Variants in RUNX2 observed in about 807,000 individuals in gnomAD.
The protein encoded by RUNX2 is runt-related transcription factor 2.
In RUNX2, 10 loss-of-function variants were observed where a neutral mutation model predicts 51.7. The observed-to-expected ratio is 0.19, with a 90% confidence interval of 0.12 to 0.33. RUNX2 has a LOEUF of 0.33. Among genes scored for constraint, RUNX2 ranks in the 10% least tolerant of loss-of-function variants. The pLI is 1.00. For synonymous variants in RUNX2, 276 were observed against 273.6 expected (o/e 1.01, Z -0.09); for missense variants, 562 against 691.3 (o/e 0.81, Z 2.10).
At chr6:45,498,066 G>A (rs943699610) in intron 6 of RUNX2, among the ~76,000 whole-genome samples, 1 of 152,078 alleles carries the variant, frequency 6.6e-6, no homozygotes, top group Non-Finnish European at 1.5e-5. Context: ...CTCACCCAAG[G>A]TCCCACTTAC....
At chr6:45,513,740 T>C (rs529757355) in intron 7 of RUNX2, 1 of 152,228 alleles carries the variant, frequency 6.6e-6, no homozygotes, top group Admixed American at 6.5e-5. Context: ...ACTCCTGTTA[T>C]CATTTTTACG....
chr6:45,470,435 T>G (rs1188918990), intron 5 of RUNX2, among the ~76,000 whole-genome samples: 1 of 152,170 alleles, frequency 6.6e-6, no homozygotes, highest in Non-Finnish European at 1.5e-5. Context: ...CAATGGAGTA[T>G]AAAGATGTAC....
chr6:45,450,809 A>T (rs949425167), intron 5 of RUNX2, among the ~76,000 whole-genome samples: 1 of 152,214 alleles, frequency 6.6e-6, no homozygotes, highest in Non-Finnish European at 1.5e-5. Flanking sequence ...GTGAGAGGGC[A>T]TTAGCAATGC....
At chr6:45,533,825 T>C (rs1563127931) in intron 7 of RUNX2, among the ~76,000 whole-genome samples, 1 of 151,242 alleles carries the variant, frequency 6.6e-6, no homozygotes, top group East Asian at 1.9e-4. Context: ...ACTTTAAAAA[T>C]ATCAATTGAA....
chr6:45,437,540 T>C (rs1043091089), intron 4 of RUNX2, among the ~76,000 whole-genome samples: 1 of 152,224 alleles, frequency 6.6e-6, no homozygotes, highest in South Asian at 2.1e-4. Flanking sequence ...GATTTACTAT[T>C]GTTCTCTCGT....
intron 2 of RUNX2, among the ~76,000 whole-genome samples, chr6:45,351,714 C>G (rs1792090931): frequency 6.6e-6 from 1 of 152,092 alleles, no homozygotes; most frequent in Non-Finnish European, 1.5e-5. Context: ...CTATTCTATC[C>G]CTCCCAACCA....
chr6:45,509,655 C>T (rs1041797139), intron 6 of RUNX2, among the ~76,000 whole-genome samples: 2 of 152,168 alleles, frequency 1.3e-5, no homozygotes, highest in African/African-American at 4.8e-5. Flanking sequence ...TTATCAATAG[C>T]GGAGCTGGCA....
chr6:45,422,481 C>A, intron 2 of RUNX2, 112 bp from the exon 3 acceptor site: 3 of 488,452 alleles, frequency 6.1e-6, no homozygotes, highest in Non-Finnish European at 1.0e-5. Flanking sequence ...TCCTCTTTCC[C>A]CCCGTCTCGC....
At chr6:45,384,079 G>A (rs1165693857) in intron 2 of RUNX2, among the ~76,000 whole-genome samples, 5 of 152,128 alleles carry the variant, frequency 3.3e-5, no homozygotes, top group Non-Finnish European at 7.3e-5. Context: ...AAAGGCTTTG[G>A]TGTCACTTTA....
At chr6:45,491,820 A>G (rs896047756) in intron 5 of RUNX2, 121 bp from the exon 6 acceptor site, 1 of 1,013,428 alleles carries the variant, frequency 9.9e-7, no homozygotes, top group Non-Finnish European at 1.6e-6. Context: ...AAGTCATTAT[A>G]AATATTAATA....
At position 45,522,724 on chromosome 6, in the gene RUNX2, T is replaced by C. The variant is rs540695196; in HGVS notation, c.1021+10317T>C. On this transcript the variant is annotated intron_variant, in intron 7 of 8. Coordinates refer to ENST00000647337, the MANE Select transcript of RUNX2 (RefSeq NM_001024630.4). ...CTTCTAATCCCTTTCTATCTCTAACTCCTACTCCGATGCTCAGCATGCATA... is the reference window on the plus strand; with the variant it reads ...CTTCTAATCCCTTTCTATCTCTAACCCCTACTCCGATGCTCAGCATGCATA... 1.3e-4 allele frequency among the ~76,000 whole-genome samples: 20 copies of C among 152,300 alleles called. No individual in the cohort carries two copies. In the South Asian group the frequency reaches 2.9e-3, roughly 22 times the overall value.
intron 7 of RUNX2, among the ~76,000 whole-genome samples, chr6:45,537,640 T>A (rs950728743): frequency 6.6e-6 from 1 of 152,204 alleles, no homozygotes; most frequent in Non-Finnish European, 1.5e-5. Flanking sequence ...CATGGGATGC[T>A]GTGGCTATTC....
At chr6:45,343,395 A>G (rs899681956) in intron 2 of RUNX2, among the ~76,000 whole-genome samples, 1 of 152,098 alleles carries the variant, frequency 6.6e-6, no homozygotes, top group African/African-American at 2.4e-5. Flanking sequence ...CTGAGTGAAG[A>G]GCACCTGGTA....
At position 45,547,422 on chromosome 6, in the gene RUNX2, A is replaced by C; in HGVS notation, c.*117A>C. 1.1e-6 allele frequency: 1 copy of C among 880,732 alleles called. No homozygotes were observed. The allele number at this position is 880,732 out of a possible 1,614,324, so 54.6% of individuals were successfully genotyped here. On this transcript the variant is annotated 3_prime_UTR_variant, in exon 9 of 9. Transcript: ENST00000647337. ...TCGATTAGCTATCTACAAAGTGCCTATTTTTTAGAAGATTTTTCATTCACT... is the reference window on the plus strand; with the variant it reads ...TCGATTAGCTATCTACAAAGTGCCTCTTTTTTAGAAGATTTTTCATTCACT...
chr6:45,489,273 A>C (rs1800383024), intron 5 of RUNX2, among the ~76,000 whole-genome samples: 1 of 152,228 alleles, frequency 6.6e-6, no homozygotes, highest in Non-Finnish European at 1.5e-5. Context: ...CCAAAAGATC[A>C]TGAAGGGTTT....
intron 1 of RUNX2, 39 bp downstream of exon 1, chr6:45,328,499 G>C (rs1186731680): frequency 6.6e-7 from 1 of 1,525,780 alleles, no homozygotes; most frequent in African/African-American, 1.4e-5. Flanking sequence ...AGTAATAGTA[G>C]GTCCTTCAAA....
At position 45,512,150 on chromosome 6, in the gene RUNX2, C is replaced by G. The variant is rs570479637; in HGVS notation, c.860-96C>G. The stretch of plus-strand genomic sequence containing the variant: ...ATATAAGCCATTTTTTTTTCTCTCC[C>G]TGTTTTTCTGCTTTTTCCTTTCTGA... On this transcript the variant is annotated intron_variant, in intron 6 of 8. Transcript: ENST00000647337. 2.5e-6 allele frequency: 3 copies of G among 1,204,254 alleles called. No individual in the cohort carries two copies. In the East Asian group the frequency reaches 7.0e-5, roughly 28 times the overall value. 74.6% of individuals were successfully genotyped at this position (1,204,254 alleles called of 1,614,324 possible). A position where few individuals can be genotyped will look rare whatever the true frequency, so the allele number is the denominator to read the frequency against.
intron 5 of RUNX2, among the ~76,000 whole-genome samples, chr6:45,486,661 CT>C (rs1291059196): frequency 2.0e-5 from 3 of 152,038 alleles, no homozygotes; most frequent in Non-Finnish European, 4.4e-5. Context: ...TGAAAAGTGC[CT>C]TGTTTTTTGT....
intron 2 of RUNX2, among the ~76,000 whole-genome samples, chr6:45,329,625 T>C (rs982401119): frequency 4.6e-5 from 7 of 151,908 alleles, no homozygotes; most frequent in Non-Finnish European, 7.4e-5. Context: ...ATAACTGCTG[T>C]TTAGTCTCAT....
Sources: gnomAD v4.1 joint callset for allele counts (sites outside exome capture counted in the v4.1 genomes callset) on GRCh38, gnomAD v4.1.1 for gene constraint, MANE v1.5 for transcripts, NCBI Gene and HGNC (gene_info 2026-07-23, HGNC 2026-07-21) for gene names.